ZNF850: variants seen among roughly 807,000 people sequenced by gnomAD.
ZNF850 encodes the protein putative zinc finger protein ENSP00000330994.
Under a neutral mutation model 11.9 loss-of-function variants are expected in ZNF850, and 2 were observed. The observed-to-expected ratio is 0.17, with a 90% confidence interval of 0.07 to 0.53. The LOEUF is 0.53. Ranked by LOEUF, ZNF850 falls within the 20% of genes least tolerant of loss-of-function variation. The pLI is 0.94. For missense variants in ZNF850, 1,014 were observed against 1,316.4 expected (o/e 0.77, Z 3.55); for synonymous variants, 381 against 443.0 (o/e 0.86, Z 1.76).
In ZNF850 at chr19:36,762,628, C is replaced by T. The variant is rs565945336; in HGVS notation, c.-22G>A. On this transcript the variant is annotated 5_prime_UTR_variant, in exon 2 of 5. Transcript: ENST00000591344. Reference sequence around the variant, plus strand: ...TCATGAATATTCCTGTTGCAGCCAGCAAACCTCCTTCATAGAATGGGACAT... The same window carrying T: ...TCATGAATATTCCTGTTGCAGCCAGTAAACCTCCTTCATAGAATGGGACAT... 20 of 1,535,692 alleles carry T rather than the reference C, an allele frequency of 1.3e-5. No homozygotes were observed. The South Asian group carries it at 2.1e-4, about 16-fold the overall frequency.
In ZNF850 at chr19:36,746,515, T is replaced by G. The variant is rs1448527715; in HGVS notation, c.*1252A>C. On this transcript the variant is annotated 3_prime_UTR_variant, in exon 5 of 5. Transcript: ENST00000591344. Reference sequence around the variant, plus strand: ...ACAGGCATATGCCACCATGTCTGGCTGATTTTGTATTTTTAGTAGAGATGG... The same window carrying G: ...ACAGGCATATGCCACCATGTCTGGCGGATTTTGTATTTTTAGTAGAGATGG... The G allele has an allele frequency of 6.6e-6, 1 of 152,150 alleles. No individual in the cohort carries two copies. Among genetic ancestry groups the G allele is most frequent in the Non-Finnish European group, 1.5e-5 (1 of 68,064 alleles). 9.4% of individuals were successfully genotyped at this position (152,150 alleles called of 1,614,324 possible). A position where few individuals can be genotyped will look rare whatever the true frequency, so the allele number is the denominator to read the frequency against.
intron 1 of ZNF850, among the ~76,000 whole-genome samples, chr19:36,766,002 C>A (rs551788773): frequency 6.6e-6 from 1 of 152,202 alleles, no homozygotes; most frequent in African/African-American, 2.4e-5. Flanking sequence ...GACTCTTGTG[C>A]CTCAGCCATC....
intron 1 of ZNF850, among the ~76,000 whole-genome samples, chr19:36,766,008 C>T (rs1237934920): frequency 2.6e-5 from 4 of 152,078 alleles, no homozygotes; most frequent in African/African-American, 9.7e-5. Context: ...TGTGCCTCAG[C>T]CATCAAAGTA....
At chr19:36,750,954 G>C in intron 4 of ZNF850, 150 bp from the exon 5 acceptor site, 2 of 852,608 alleles carry the variant, frequency 2.3e-6, no homozygotes, top group Non-Finnish European at 3.5e-6. Flanking sequence ...TAATCCCAGC[G>C]CTTTGGGAGT....
chr19:36,758,213 C>T (rs1289747126), intron 4 of ZNF850, among the ~76,000 whole-genome samples: 1 of 152,082 alleles, frequency 6.6e-6, no homozygotes, highest in African/African-American at 2.4e-5. Context: ...GAACTCCTAG[C>T]AGGGTGCCCA....
chr19:36,748,843 C>G lies in ZNF850; in HGVS notation c.2197G>C (p.Glu733Gln). The G allele has an allele frequency of 6.5e-7, 1 of 1,548,202 alleles. No homozygotes were observed. The highest frequency in any genetic ancestry group is 2.4e-5 in the East Asian group (1 of 41,460). The change falls in exon 5 of 5, where the codon GAA becomes CAA. Residue 733 changes from glutamate (E) to glutamine (Q), a missense_variant. Around this residue, in one of 2 missense-constraint regions of ZNF850, gnomAD observed 835 missense variants for 1,022.0 expected, o/e 0.82. Transcript: ENST00000591344. The part of the protein sequence containing the change: ...HTDEKPYDGK[E>Q]CGKSFTSHST... ...TGAGAAGTAAAAGATTTCCCACATT[C>G]CTTACCATCATAGGGTTTCTCATCA...
At chr19:36,756,607 T>C (rs2040487956) in intron 4 of ZNF850, among the ~76,000 whole-genome samples, 1 of 152,216 alleles carries the variant, frequency 6.6e-6, no homozygotes, top group South Asian at 2.1e-4. Context: ...GGATATACCA[T>C]AATGTCACAT....
Position 36,748,626 on chromosome 19 carries a change from G to A in ZNF850, c.2414C>T (p.Pro805Leu). The change falls in exon 5 of 5, where the codon CCA becomes CTA. Residue 805 changes from proline (P) to leucine (L), a missense_variant. Physicochemically the swap from Pro to Leu is moderately conservative, Grantham distance 98 (BLOSUM62 -3). Transcript: ENST00000591344. ...TSHSTLIQHQ[P>L]LHTGEKPYHC... is the part of the protein sequence containing the mutation. ...ATAAGGTTTCTCACCAGTGTGAAGTGGCTGATGTTGAATTAGTGTTGAATG... is the reference window on the plus strand; with the variant it reads ...ATAAGGTTTCTCACCAGTGTGAAGTAGCTGATGTTGAATTAGTGTTGAATG... 1 of 1,535,550 alleles carries A rather than the reference G, an allele frequency of 6.5e-7. No homozygotes were observed. Among genetic ancestry groups the A allele is most frequent in the Non-Finnish European group, 8.7e-7 (1 of 1,146,414 alleles).
Position 36,750,726 on chromosome 19 carries a change from C to T in ZNF850, c.314G>A (p.Arg105Lys). Residue 105 changes from arginine (R) to lysine (K), a missense_variant, in exon 5 of 5, where the codon AGA (arginine) becomes AAA (lysine). Transcript: ENST00000591344. ...IYEVTSSQWV[R>K]MEKCHSLVGS... is the part of the protein sequence containing the mutation. Reference sequence around the variant, plus strand: ...CACAAGGCTATGACATTTTTCCATTCTCACCCACTGAGATGATGTTACTTC... The same window carrying T: ...CACAAGGCTATGACATTTTTCCATTTTCACCCACTGAGATGATGTTACTTC... The T allele has an allele frequency of 1.3e-6, 2 of 1,536,230 alleles. No individual in the cohort carries two copies. Among genetic ancestry groups the T allele is most frequent in the South Asian group, 2.4e-5 (2 of 84,064 alleles).
Position 36,748,925 on chromosome 19 carries a change from T to A in ZNF850, c.2115A>T (p.Glu705Asp), listed in dbSNP as rs780645802. 6.4e-7 allele frequency: 1 copy of A among 1,572,660 alleles called. No homozygotes were observed. The highest frequency in any genetic ancestry group is 8.6e-7 in the Non-Finnish European group (1 of 1,160,662). ...AGCAGAAAGTAAAAGATTTCCCACATTCTTTACATTCATAAGGTTTCTCAC... is the reference window on the plus strand; with the variant it reads ...AGCAGAAAGTAAAAGATTTCCCACAATCTTTACATTCATAAGGTTTCTCAC... ...HTGEKPYECK[E>D]CGKSFTFCSG... Residue 705 changes from glutamate to aspartate, a missense_variant, in exon 5 of 5, where the codon GAA (glutamate) becomes GAT (aspartate). Glu to Asp is a conservative substitution (Grantham distance 45). This residue lies in a region of ZNF850 where 835 missense variants were observed against 1,022.0 expected (regional missense o/e 0.82). Transcript: ENST00000591344.
intron 4 of ZNF850, 81 bp downstream of exon 4, chr19:36,761,562 C>A (rs977923131): frequency 8.2e-6 from 6 of 736,084 alleles, no homozygotes; most frequent in Non-Finnish European, 1.1e-5. Flanking sequence ...ACTCCTCAAC[C>A]AATACCTGTA....
intron 1 of ZNF850, among the ~76,000 whole-genome samples, chr19:36,763,691 G>T (rs2040532900): frequency 6.6e-6 from 1 of 152,132 alleles, no homozygotes; most frequent in South Asian, 2.1e-4. Flanking sequence ...CACTTTGGGA[G>T]GCCAAGGCAG....
At chr19:36,756,232 C>T (rs957779166) in intron 4 of ZNF850, among the ~76,000 whole-genome samples, 2 of 152,110 alleles carry the variant, frequency 1.3e-5, no homozygotes, top group Non-Finnish European at 2.9e-5. Flanking sequence ...TGCCATATCA[C>T]CTACTTGTTC....
Position 36,761,624 on chromosome 19 carries a change from G to C in ZNF850, c.235+19C>G. Reference sequence around the variant, plus strand: ...TTCTAAACAGCAGTGTCTTCCCCATGTGCTCAGTCCTTACTCACCTCGGCA... The same window carrying C: ...TTCTAAACAGCAGTGTCTTCCCCATCTGCTCAGTCCTTACTCACCTCGGCA... On this transcript the variant is annotated intron_variant, in intron 4 of 4. Transcript: ENST00000591344. The C allele has an allele frequency of 6.9e-7, 1 of 1,450,156 alleles. No homozygotes were observed. The highest frequency in any genetic ancestry group is 1.2e-5 in the South Asian group (1 of 82,172). The allele number at this position is 1,450,156 out of a possible 1,614,324, so 89.8% of individuals were successfully genotyped here.
rs1401202897 is a variant in ZNF850 at position 36,750,128 on chromosome 19, A to C, written c.912T>G (p.Thr304=). ...STLNQHQQIH[T]GEKPYHCKQC... Reference sequence around the variant, plus strand: ...GCTTACAATGATAGGGTTTCTCACCAGTGTGAATTTGCTGATGTTGATTTA... The same window carrying C: ...GCTTACAATGATAGGGTTTCTCACCCGTGTGAATTTGCTGATGTTGATTTA... The change falls in exon 5 of 5, where the codon ACT becomes ACG. Residue 304 remains threonine (T), a synonymous_variant. Coordinates refer to ENST00000591344, the MANE Select transcript of ZNF850 (RefSeq NM_001193552.2). 2 of 1,538,522 alleles carry C rather than the reference A, an allele frequency of 1.3e-6. No individual in the cohort carries two copies. Among genetic ancestry groups the C allele is most frequent in the Non-Finnish European group, 1.7e-6 (2 of 1,146,998 alleles).
intron 1 of ZNF850, among the ~76,000 whole-genome samples, chr19:36,770,703 CAAAAAAAAAAAAAAAAAA>C (rs567709722): frequency 2.6e-4 from 17 of 66,612 alleles, no homozygotes; most frequent in African/African-American, 5.6e-4. Context: ...GAGACTCCAT[CAAAAAAAAAAAAAAAAAA>C]AAAAAAAAAA....
intron 1 of ZNF850, among the ~76,000 whole-genome samples, chr19:36,772,397 C>A (rs2040590344): frequency 6.6e-6 from 1 of 152,180 alleles, no homozygotes; most frequent in Non-Finnish European, 1.5e-5. Flanking sequence ...CAAGGGGCCA[C>A]ACAAGTTGCA....
intron 4 of ZNF850, among the ~76,000 whole-genome samples, chr19:36,754,618 C>T (rs1040999272): frequency 6.6e-6 from 1 of 151,936 alleles, no homozygotes; most frequent in South Asian, 2.1e-4. Context: ...TACAGTGGCA[C>T]GATCTCAGCT....
At chr19:36,755,999 G>A (rs1410902867) in intron 4 of ZNF850, among the ~76,000 whole-genome samples, 1 of 148,220 alleles carries the variant, frequency 6.7e-6, no homozygotes, top group Non-Finnish European at 1.5e-5. Context: ...TCCGCTTCCT[G>A]GTTTCATGCG....
Sources: gnomAD v4.1 joint callset for allele counts (sites outside exome capture counted in the v4.1 genomes callset) on GRCh38, gnomAD v4.1.1 for gene constraint, gnomAD v4.1.1 regional missense constraint, MANE v1.5 for transcripts, NCBI Gene and HGNC (gene_info 2026-07-23, HGNC 2026-07-21) for gene names.